Variants in DCDC2C observed in about 807,000 individuals in gnomAD.
DCDC2C encodes the protein doublecortin domain containing 2C, also known as doublecortin domain-containing protein 2C.
DCDC2C carries 44 observed loss-of-function variants against 45.0 expected under a neutral mutation model. The observed-to-expected ratio is 0.98, with a 90% CI of 0.77 to 1.26. The LOEUF (loss-of-function observed/expected upper bound fraction) is 1.26. Ranked by LOEUF, DCDC2C falls within the 50% of genes most tolerant of loss-of-function variation. The pLI, the probability that DCDC2C is intolerant of heterozygous loss-of-function variation, is 0.00. For synonymous variants in DCDC2C, 187 were observed against 178.8 expected, an observed-to-expected ratio of 1.05 and a Z score of -0.37; for missense variants, 447 against 468.9, an observed-to-expected ratio of 0.95 and a Z score of 0.43.
intron 2 of DCDC2C, among the ~76,000 whole-genome samples, chr2:3,717,826 G>A (rs542565611): frequency 8.5e-5 from 13 of 152,198 alleles, no homozygotes; most frequent in Non-Finnish European, 1.8e-4. Context: ...CTCTTCATGC[G>A]CCTATCCTCA....
At chr2:3,739,326 A>G (rs917539795) in intron 3 of DCDC2C, among the ~76,000 whole-genome samples, 11 of 152,304 alleles carry the variant, frequency 7.2e-5, no homozygotes, top group South Asian at 2.1e-4. Context: ...GCGCCACCCA[A>G]TGGACCTGCG....
At chr2:3,792,758 G>T (rs1170042949) in intron 10 of DCDC2C, among the ~76,000 whole-genome samples, 1 of 152,162 alleles carries the variant, frequency 6.6e-6, no homozygotes, top group South Asian at 2.1e-4. Context: ...ACCCTAAATT[G>T]ACAGCCATAT....
At chr2:3,767,419 G>A (rs1282257775) in intron 6 of DCDC2C, among the ~76,000 whole-genome samples, 3 of 152,170 alleles carry the variant, frequency 2.0e-5, no homozygotes, top group Non-Finnish European at 4.4e-5. Context: ...AAAAACCAGA[G>A]GCGCCTCCTT....
intron 10 of DCDC2C, among the ~76,000 whole-genome samples, chr2:3,800,058 T>C (rs1671074615): frequency 6.6e-6 from 1 of 152,194 alleles, no homozygotes; most frequent in African/African-American, 2.4e-5. Context: ...AGGTGCGGGA[T>C]ATAATCTCGT....
intron 10 of DCDC2C, among the ~76,000 whole-genome samples, chr2:3,792,993 G>C (rs984106414): frequency 6.6e-6 from 1 of 152,214 alleles, no homozygotes; most frequent in African/African-American, 2.4e-5. Flanking sequence ...TCGCCGTTCA[G>C]AGTACATGGA....
At chr2:3,817,252 G>A (rs11898419) in intron 10 of DCDC2C, among the ~76,000 whole-genome samples, 8,149 of 152,246 alleles carry the variant, frequency 0.054, 747 homozygotes, top group African/African-American at 0.19. Context: ...GCTTCCTTTG[G>A]AAGTAAAGCG....
chr2:3,705,497 C>T (rs1668042841), intron 1 of DCDC2C, among the ~76,000 whole-genome samples: 1 of 152,196 alleles, frequency 6.6e-6, no homozygotes, highest in Non-Finnish European at 1.5e-5. Context: ...TATATCTCTA[C>T]AAAAACTGCC....
chr2:3,731,093 G>A (rs1668854063), intron 3 of DCDC2C, among the ~76,000 whole-genome samples: 1 of 152,204 alleles, frequency 6.6e-6, no homozygotes, highest in Admixed American at 6.5e-5. Flanking sequence ...CTTGTCCTAA[G>A]TGGGAGACAG....
At position 3,816,005 on chromosome 2, in the gene DCDC2C, T is replaced by C. The variant is rs1671548993; in HGVS notation, c.1065+30905T>C. Among the ~76,000 whole-genome samples the C allele has an allele frequency of 2.0e-5, 3 of 149,272 alleles. No homozygotes were observed. The South Asian group carries it at 6.4e-4, about 32-fold the overall frequency. On this transcript the variant is annotated intron_variant, in intron 10 of 10. Transcript: ENST00000399143. Reference sequence around the variant, plus strand: ...AGCATTGGGGTGGCAAAAATTTTTTTTGGGTGGTATGGAGAGATAACGGGT... The same window carrying C: ...AGCATTGGGGTGGCAAAAATTTTTTCTGGGTGGTATGGAGAGATAACGGGT...
chr2:3,707,949 A>T (rs773360457), intron 1 of DCDC2C, among the ~76,000 whole-genome samples: 8 of 152,212 alleles, frequency 5.3e-5, no homozygotes, highest in Non-Finnish European at 8.8e-5. Context: ...ATAAATTTGA[A>T]GGTATTATTT....
intron 4 of DCDC2C, among the ~76,000 whole-genome samples, chr2:3,744,435 G>A (rs1344702400): frequency 6.6e-6 from 1 of 152,198 alleles, no homozygotes; most frequent in Non-Finnish European, 1.5e-5. Flanking sequence ...CATCCACCTG[G>A]GGATGCTTCT....
In DCDC2C at chr2:3,847,451, A is replaced by G; in HGVS notation, c.*268A>G. ...ATTAAGCCCCCAAAAGATCATTCAG[A>G]AAGTGAGAAGAATTTGAAAAAACGT... On this transcript the variant is annotated 3_prime_UTR_variant, in exon 11 of 11. Coordinates refer to ENST00000399143, the MANE Select transcript of DCDC2C (RefSeq NM_001287444.2). 1 of 297,378 alleles carries G rather than the reference A, an allele frequency of 3.4e-6. No individual in the cohort carries two copies. Among genetic ancestry groups the G allele is most frequent in the South Asian group, 1.6e-4 (1 of 6,184 alleles). The allele number at this position is 297,378 out of a possible 1,614,324, so 18.4% of individuals were successfully genotyped here. A position where few individuals can be genotyped will look rare whatever the true frequency, so the allele number is the denominator to read the frequency against.
chr2:3,785,395 T>C (rs1670623156), intron 10 of DCDC2C, among the ~76,000 whole-genome samples: 1 of 152,002 alleles, frequency 6.6e-6, no homozygotes, highest in Admixed American at 6.5e-5. Context: ...GCAGCTTTTA[T>C]GATTGCCTGG....
intron 2 of DCDC2C, among the ~76,000 whole-genome samples, chr2:3,710,893 T>G (rs935435022): frequency 1.5e-4 from 23 of 152,252 alleles, no homozygotes; most frequent in Non-Finnish European, 2.9e-4. Context: ...ATGACTTTGC[T>G]ATACCGAATA....
chr2:3,806,948 G>A (rs914964652), intron 10 of DCDC2C, among the ~76,000 whole-genome samples: 58 of 152,102 alleles, frequency 3.8e-4, no homozygotes, highest in African/African-American at 1.3e-3. Context: ...GGAGTCCTTG[G>A]TGAATTCCTG....
chr2:3,703,803 A>C lies in DCDC2C; in HGVS notation c.52A>C (p.Ile18Leu). ...APVDTTPAKTIVVYRNGDPFY... is the reference protein window; with the variant it reads ...APVDTTPAKTLVVYRNGDPFY... ...GGTGGACACCACGCCCGCCAAGACC[A>C]TCGTGGTGTACCGCAACGGGGACCC... Residue 18 changes from isoleucine to leucine, a missense_variant, in exon 1 of 11, where the codon ATC becomes CTC. Physicochemically the swap from Ile to Leu is conservative, Grantham distance 5. Coordinates refer to ENST00000399143, the MANE Select transcript of DCDC2C (RefSeq NM_001287444.2). The surrounding 1 kb of genome is among the most constrained non-coding windows in gnomAD (Gnocchi z 4.4). 1 of 1,251,682 alleles carries C rather than the reference A, an allele frequency of 8.0e-7. No homozygotes were observed. 77.5% of individuals were successfully genotyped at this position (1,251,682 alleles called of 1,614,324 possible).
rs1424099631 is a variant in DCDC2C at position 3,818,790 on chromosome 2, C to T, written c.1066-28364C>T. On this transcript the variant is annotated intron_variant, in intron 10 of 10. Transcript: ENST00000399143. This position sits in a 1 kb window ranked among gnomAD's most constrained non-coding sequence, Gnocchi z 4.7. ...ATACAAGGGGAGAATGTGAAGGAGG[C>T]TTTGAACTGGGGAAAAGGGTGGCAA... Among the ~76,000 whole-genome samples, 4 of 151,922 alleles carry T rather than the reference C, an allele frequency of 2.6e-5. No individual in the cohort carries two copies. Among genetic ancestry groups the T allele is most frequent in the Non-Finnish European group, 5.9e-5 (4 of 67,994 alleles).
intron 3 of DCDC2C, among the ~76,000 whole-genome samples, chr2:3,730,580 C>T (rs192636523): frequency 2.0e-5 from 3 of 152,212 alleles, no homozygotes; most frequent in Admixed American, 6.5e-5. Flanking sequence ...AGGCAGCCCC[C>T]GCCCCCCGAG....
chr2:3,815,189 A>G (rs1414303782), intron 10 of DCDC2C, among the ~76,000 whole-genome samples: 3 of 152,172 alleles, frequency 2.0e-5, no homozygotes, highest in Non-Finnish European at 4.4e-5. Context: ...GGATCTTCTG[A>G]TCTGAGGGTT....
Sources: allele counts gnomAD v4.1 joint callset (sites outside exome capture counted in the v4.1 genomes callset), GRCh38; gene constraint gnomAD v4.1.1; non-coding constraint Gnocchi (gnomAD v3.1); transcripts MANE v1.5; gene names NCBI Gene and HGNC (gene_info 2026-07-23, HGNC 2026-07-21).